Variants in DOCK5 observed in about 807,000 individuals in gnomAD.
The protein encoded by DOCK5 is dedicator of cytokinesis 5, also known as dedicator of cytokinesis protein 5.
In DOCK5, 142 loss-of-function variants were observed where a neutral mutation model predicts 251.8. That is an observed-to-expected ratio of 0.56 (90% CI 0.49 to 0.65). DOCK5 has a LOEUF of 0.65. Ranked by LOEUF, DOCK5 falls within the 30% of genes least tolerant of loss-of-function variation. DOCK5 has a pLI of 0.00. For missense variants in DOCK5, 2,111 were observed against 2,312.3 expected, an observed-to-expected ratio of 0.91 and a Z score of 1.79; for synonymous variants, 842 against 835.5, an observed-to-expected ratio of 1.01 and a Z score of -0.13.
At position 25,410,162 on chromosome 8, in the gene DOCK5, A is replaced by G. The variant is rs1184910384; in HGVS notation, c.5468A>G (p.Lys1823Arg). ...CCTGTCCCACCTCCACCTCCCCCCAAAAGCAAGCCCTATGAAGGCAGCCAG... is the reference window on the plus strand; with the variant it reads ...CCTGTCCCACCTCCACCTCCCCCCAGAAGCAAGCCCTATGAAGGCAGCCAG... ...ATPVPPPPPP[K>R]SKPYEGSQRN... Residue 1823 changes from lysine to arginine, a missense_variant, in exon 51 of 52, where the codon AAA (lysine) becomes AGA (arginine). This residue lies in a region of DOCK5 where 1,717 missense variants were observed against 1,892.4 expected (regional missense o/e 0.91). Coordinates refer to ENST00000276440, the MANE Select transcript of DOCK5 (RefSeq NM_024940.8). 6.2e-7 allele frequency: 1 copy of G among 1,613,572 alleles called. No homozygotes were observed. The highest frequency in any genetic ancestry group is 1.1e-5 in the South Asian group (1 of 91,032).
At position 25,413,585 on chromosome 8, in the gene DOCK5, G is replaced by A. The variant is rs979053413; in HGVS notation, c.*2287G>A. On this transcript the variant is annotated 3_prime_UTR_variant, in exon 52 of 52. Coordinates refer to ENST00000276440, the MANE Select transcript of DOCK5 (RefSeq NM_024940.8). Reference sequence around the variant, plus strand: ...TGCCGGGCTGCCATTAAAATAGAAAGATATAAAACTGGGTCACCAAAAAAA... The same window carrying A: ...TGCCGGGCTGCCATTAAAATAGAAAAATATAAAACTGGGTCACCAAAAAAA... 3 of 152,154 alleles carry A rather than the reference G, an allele frequency of 2.0e-5. No individual in the cohort carries two copies. The highest frequency in any genetic ancestry group is 1.3e-4 in the Admixed American group (2 of 15,282). 9.4% of individuals were successfully genotyped at this position (152,154 alleles called of 1,614,324 possible). A position where few individuals can be genotyped will look rare whatever the true frequency, so the allele number is the denominator to read the frequency against.
intron 1 of DOCK5, among the ~76,000 whole-genome samples, chr8:25,187,536 C>T (rs969879410): frequency 6.6e-6 from 1 of 151,828 alleles, no homozygotes. Flanking sequence ...GATAAATTAA[C>T]TGAAGAGAGA....
At chr8:25,292,895 C>T (rs1395545622) in intron 6 of DOCK5, among the ~76,000 whole-genome samples, 1 of 152,188 alleles carries the variant, frequency 6.6e-6, no homozygotes, top group Non-Finnish European at 1.5e-5. Context: ...CTAACCGGGA[C>T]CATTGTCTAT....
intron 16 of DOCK5, among the ~76,000 whole-genome samples, chr8:25,322,762 C>T (rs557713324): frequency 4.5e-4 from 68 of 152,270 alleles, no homozygotes; most frequent in African/African-American, 1.6e-3. Flanking sequence ...TAGCATATGA[C>T]CAGGCTGGGT....
At chr8:25,372,170 TCATACAA>T (rs1288530707) in intron 34 of DOCK5, among the ~76,000 whole-genome samples, 1 of 152,226 alleles carries the variant, frequency 6.6e-6, no homozygotes, top group Non-Finnish European at 1.5e-5. Context: ...AAAAATGGTC[TCATACAA>T]CTAATTAGAG....
chr8:25,355,612 G>A (rs1486984054), intron 27 of DOCK5, among the ~76,000 whole-genome samples: 2 of 152,006 alleles, frequency 1.3e-5, no homozygotes, highest in Admixed American at 6.5e-5. Context: ...CTGACACCCA[G>A]CTAATTTTTG....
At chr8:25,217,211 CAT>C (rs1802270895) in intron 1 of DOCK5, among the ~76,000 whole-genome samples, 1 of 149,616 alleles carries the variant, frequency 6.7e-6, no homozygotes, top group Non-Finnish European at 1.5e-5. Context: ...TACACATACA[CAT>C]GTATACATAC....
At chr8:25,352,142 TG>T (rs1464093112) in intron 27 of DOCK5, among the ~76,000 whole-genome samples, 2 of 149,572 alleles carry the variant, frequency 1.3e-5, no homozygotes, top group Non-Finnish European at 3.0e-5. Flanking sequence ...AAACGTGAGA[TG>T]TCGAGGCTGC....
chr8:25,351,673 C>A (rs1800470902), intron 26 of DOCK5, 58 bp from the exon 27 acceptor site: 2 of 1,415,254 alleles, frequency 1.4e-6, no homozygotes, highest in African/African-American at 2.8e-5. Context: ...TCTGAGGTTC[C>A]TTAAAGAAAG....
intron 38 of DOCK5, among the ~76,000 whole-genome samples, chr8:25,378,941 A>G (rs960549529): frequency 6.6e-6 from 1 of 152,198 alleles, no homozygotes; most frequent in Non-Finnish European, 1.5e-5. Context: ...TAGGACCGTG[A>G]TGCCCACCTG....
At chr8:25,315,260 C>G (rs975228714) in intron 13 of DOCK5, among the ~76,000 whole-genome samples, 4 of 151,208 alleles carry the variant, frequency 2.6e-5, no homozygotes, top group African/African-American at 9.7e-5. Flanking sequence ...ACCTCTGGGC[C>G]TTTGCACAGG....
chr8:25,228,926 C>G (rs1802597475), intron 1 of DOCK5, among the ~76,000 whole-genome samples: 1 of 151,922 alleles, frequency 6.6e-6, no homozygotes, highest in Non-Finnish European at 1.5e-5. Flanking sequence ...TTCTTTCAAT[C>G]TTTTAAACAA....
At chr8:25,290,470 A>G (rs1298648881) in intron 5 of DOCK5, among the ~76,000 whole-genome samples, 2 of 152,258 alleles carry the variant, frequency 1.3e-5, no homozygotes, top group African/African-American at 4.8e-5. Flanking sequence ...TCTTAAAATG[A>G]TTGAAAAACA....
chr8:25,205,660 C>A (rs1443009124), intron 1 of DOCK5, among the ~76,000 whole-genome samples: 4 of 152,262 alleles, frequency 2.6e-5, no homozygotes, highest in Admixed American at 1.3e-4. Flanking sequence ...CCTTGAAAAT[C>A]CTGCTGTTGC....
chr8:25,400,828 T>C (rs1801426154), intron 46 of DOCK5, 101 bp from the exon 47 acceptor site: 3 of 1,346,390 alleles, frequency 2.2e-6, no homozygotes, highest in African/African-American at 1.4e-5. Context: ...GCACTATGTC[T>C]AGCAGTTTAC....
At chr8:25,196,192 T>C (rs1801721395) in intron 1 of DOCK5, among the ~76,000 whole-genome samples, 1 of 152,184 alleles carries the variant, frequency 6.6e-6, no homozygotes, top group African/African-American at 2.4e-5. Flanking sequence ...TATTTTTGGG[T>C]CATTATTTCT....
intron 6 of DOCK5, among the ~76,000 whole-genome samples, chr8:25,295,804 T>G (rs1804602693): frequency 6.7e-6 from 1 of 149,842 alleles, no homozygotes; most frequent in South Asian, 2.1e-4. Flanking sequence ...ATAGGAGGTA[T>G]GTGTGTATGT....
chr8:25,285,120 G>A (rs1270596731), intron 5 of DOCK5, among the ~76,000 whole-genome samples: 1 of 152,058 alleles, frequency 6.6e-6, no homozygotes, highest in Non-Finnish European at 1.5e-5. Context: ...GGTATTGAAG[G>A]CATAGTGTTG....
intron 47 of DOCK5, among the ~76,000 whole-genome samples, chr8:25,402,406 C>T (rs907773310): frequency 2.6e-5 from 4 of 152,332 alleles, no homozygotes; most frequent in South Asian, 4.1e-4. Context: ...ACACCATTCT[C>T]CTGCCTCAGC....
Sources: gnomAD v4.1 joint callset for allele counts (sites outside exome capture counted in the v4.1 genomes callset) on GRCh38, gnomAD v4.1.1 for gene constraint, gnomAD v4.1.1 regional missense constraint, MANE v1.5 for transcripts, NCBI Gene and HGNC (gene_info 2026-07-23, HGNC 2026-07-21) for gene names.